The following EXT1 variants were observed in gnomAD, a reference collection of about 807,000 sequenced individuals.
EXT1 encodes the protein exostosin-1.
A neutral mutation model predicts 82.5 loss-of-function variants in EXT1; 20 were observed. The observed-to-expected ratio is 0.24, with a 90% CI of 0.17 to 0.35. EXT1 has a LOEUF of 0.35. EXT1 is among the 10% of genes least tolerant of loss of function. The pLI, the probability that EXT1 is intolerant of heterozygous loss-of-function variation, is 1.00. For missense variants in EXT1, 757 were observed against 936.5 expected (o/e 0.81, Z 2.50); for synonymous variants, 348 against 350.8 (o/e 0.99, Z 0.09).
chr8:117,888,704 A>G (rs1036379081), intron 1 of EXT1, among the ~76,000 whole-genome samples: 8 of 151,962 alleles, frequency 5.3e-5, no homozygotes, highest in African/African-American at 1.9e-4. Flanking sequence ...GGGATTCCCT[A>G]TTTCTCTGCT....
At position 117,914,096 on chromosome 8, in the gene EXT1, G is replaced by A. The variant is rs535426353; in HGVS notation, c.963-76895C>T. On this transcript the variant is annotated intron_variant, in intron 1 of 10. Coordinates refer to ENST00000378204, the MANE Select transcript of EXT1 (RefSeq NM_000127.3). ...TTTATTTTGAACTATAATTTATATG[G>A]TGTCTCCTAGAAGTTTATGGCCCAT... is the stretch of plus-strand genomic sequence containing the variant. 1.8e-3 allele frequency among the ~76,000 whole-genome samples: 270 copies of A among 152,276 alleles called. 2 individuals are homozygous for A. The highest frequency in any genetic ancestry group is 6.1e-3 in the African/African-American group (255 of 41,552).
chr8:117,971,807 A>C (rs1281622666), intron 1 of EXT1, among the ~76,000 whole-genome samples: 1 of 152,210 alleles, frequency 6.6e-6, no homozygotes, highest in Non-Finnish European at 1.5e-5. Context: ...TTCCAAAAGG[A>C]AATTTTTTAG....
At chr8:117,918,887 A>T (rs1481636923) in intron 1 of EXT1, among the ~76,000 whole-genome samples, 2 of 152,212 alleles carry the variant, frequency 1.3e-5, no homozygotes, top group Non-Finnish European at 2.9e-5. Flanking sequence ...ATGATGTGTT[A>T]GTCACACTGT....
At chr8:118,020,764 T>C (rs1355691364) in intron 1 of EXT1, among the ~76,000 whole-genome samples, 1 of 152,232 alleles carries the variant, frequency 6.6e-6, no homozygotes, top group Non-Finnish European at 1.5e-5. Flanking sequence ...GCTGTATCAG[T>C]GACCTTCCAG....
intron 1 of EXT1, among the ~76,000 whole-genome samples, chr8:117,899,118 C>T (rs941318709): frequency 1.3e-5 from 2 of 152,200 alleles, no homozygotes; most frequent in Non-Finnish European, 2.9e-5. Context: ...CTGATAAGCA[C>T]ACATTTACGC....
intron 1 of EXT1, among the ~76,000 whole-genome samples, chr8:118,083,111 A>G (rs1817360181): frequency 6.6e-6 from 1 of 152,192 alleles, no homozygotes; most frequent in Non-Finnish European, 1.5e-5. Flanking sequence ...AGAAACAGAC[A>G]TATCTCCTCA....
Position 117,920,013 on chromosome 8 carries a change from T to C in EXT1, c.963-82812A>G, listed in dbSNP as rs535519048. On this transcript the variant is annotated intron_variant, in intron 1 of 10. Coordinates refer to ENST00000378204, the MANE Select transcript of EXT1 (RefSeq NM_000127.3). ...AGAGCACGCCACATCATGTTGATAG[T>C]TGATATGGTGGAGCTGATGAGAAGG... is the stretch of plus-strand genomic sequence containing the variant. 3.9e-5 allele frequency among the ~76,000 whole-genome samples: 6 copies of C among 152,300 alleles called. No homozygotes were observed. The South Asian group carries it at 1.0e-3, about 26-fold the overall frequency.
chr8:117,937,006 A>G (rs920785054), intron 1 of EXT1, among the ~76,000 whole-genome samples: 2 of 152,210 alleles, frequency 1.3e-5, no homozygotes, highest in African/African-American at 2.4e-5. Flanking sequence ...CAGGAGATGG[A>G]AAACACCATC....
At chr8:117,909,399 A>G (rs1269307517) in intron 1 of EXT1, among the ~76,000 whole-genome samples, 1 of 152,226 alleles carries the variant, frequency 6.6e-6, no homozygotes, top group African/African-American at 2.4e-5. Context: ...TAATAAAAGG[A>G]GAACCAACAT....
chr8:118,026,924 C>G (rs1235014356), intron 1 of EXT1, among the ~76,000 whole-genome samples: 4 of 152,178 alleles, frequency 2.6e-5, no homozygotes, highest in Non-Finnish European at 4.4e-5. Context: ...CCATGCACAG[C>G]TATAGGAATC....
intron 1 of EXT1, among the ~76,000 whole-genome samples, chr8:118,083,454 T>C (rs1266868495): frequency 4.6e-5 from 7 of 152,204 alleles, no homozygotes; most frequent in African/African-American, 7.2e-5. Context: ...ATGATTCAGG[T>C]TGTCAAGGCC....
At chr8:118,063,525 C>G (rs1359407030) in intron 1 of EXT1, among the ~76,000 whole-genome samples, 3 of 152,228 alleles carry the variant, frequency 2.0e-5, no homozygotes, top group African/African-American at 7.2e-5. Flanking sequence ...CCACCTACTT[C>G]ACAACATTCA....
chr8:118,111,496 C>T lies in EXT1; in HGVS notation c.-450G>A. 2 of 535,694 alleles carry T rather than the reference C, an allele frequency of 3.7e-6. No individual in the cohort carries two copies. The highest frequency in any genetic ancestry group is 6.5e-6 in the Non-Finnish European group (2 of 306,656). 33.2% of individuals were successfully genotyped at this position (535,694 alleles called of 1,614,324 possible). On this transcript the variant is annotated 5_prime_UTR_variant, in exon 1 of 11. The change creates a new upstream start codon in the 5' untranslated region. Transcript: ENST00000378204. ...GAAGGCAACTTCAACTCATCCACCA[C>T]TCTCCGTGCAGAGCACTCCGGTTCC...
chr8:117,842,636 C>G (rs918583250), intron 1 of EXT1, among the ~76,000 whole-genome samples: 1 of 152,104 alleles, frequency 6.6e-6, no homozygotes, highest in Non-Finnish European at 1.5e-5. Context: ...CCCCTAGTAA[C>G]AATTAAAAAG....
chr8:117,868,440 A>C (rs557925243), intron 1 of EXT1, among the ~76,000 whole-genome samples: 1 of 151,882 alleles, frequency 6.6e-6, no homozygotes, highest in South Asian at 2.1e-4. Context: ...CTTTAATTTT[A>C]ATTTAAAAAT....
intron 1 of EXT1, among the ~76,000 whole-genome samples, chr8:117,975,754 A>C (rs1815050563): frequency 1.3e-5 from 2 of 152,356 alleles, no homozygotes; most frequent in Middle Eastern, 6.8e-3. Flanking sequence ...CAATGGCTTC[A>C]TACAGTGCTT....
intron 1 of EXT1, among the ~76,000 whole-genome samples, chr8:118,017,068 G>A (rs1816016857): frequency 1.3e-5 from 2 of 152,168 alleles, no homozygotes; most frequent in Non-Finnish European, 2.9e-5. Flanking sequence ...TTAGCATCTT[G>A]TTCTCCCAGA....
At chr8:117,962,628 C>A (rs1048304846) in intron 1 of EXT1, among the ~76,000 whole-genome samples, 1 of 152,152 alleles carries the variant, frequency 6.6e-6, no homozygotes, top group African/African-American at 2.4e-5. Flanking sequence ...TGGTGCATGC[C>A]TGTAATCCCA....
At chr8:117,918,848 T>C (rs1813801968) in intron 1 of EXT1, among the ~76,000 whole-genome samples, 1 of 152,170 alleles carries the variant, frequency 6.6e-6, no homozygotes, top group Admixed American at 6.5e-5. Context: ...TTTGCAGATG[T>C]CTTATTACAT....
Sources: gnomAD v4.1 joint callset for allele counts (sites outside exome capture counted in the v4.1 genomes callset) on GRCh38, gnomAD v4.1.1 for gene constraint, MANE v1.5 for transcripts, NCBI Gene and HGNC (gene_info 2026-07-23, HGNC 2026-07-21) for gene names.